Variants in HMBOX1 observed in about 807,000 individuals in gnomAD.
HMBOX1 encodes the protein homeobox-containing protein 1.
Under a neutral mutation model 54.5 loss-of-function variants are expected in HMBOX1, and 14 were observed. That is an observed-to-expected ratio of 0.26 (90% CI 0.17 to 0.40). The LOEUF (loss-of-function observed/expected upper bound fraction) is 0.40. Ranked by LOEUF, HMBOX1 falls within the 10% of genes least tolerant of loss-of-function variation. The probability of loss-of-function intolerance (pLI) is 1.00; values close to 1 mark genes in which losing one functional copy is unlikely to be tolerated. For missense variants in HMBOX1, 332 were observed against 514.4 expected, an observed-to-expected ratio of 0.65 and a Z score of 3.43; for synonymous variants, 160 against 181.0, an observed-to-expected ratio of 0.88 and a Z score of 0.93.
intron 1 of HMBOX1, among the ~76,000 whole-genome samples, chr8:28,905,581 T>A (rs1180313365): frequency 1.3e-5 from 2 of 152,220 alleles, no homozygotes; most frequent in Non-Finnish European, 2.9e-5. Context: ...AATCTTTAGG[T>A]ATTTGGGATA....
intron 1 of HMBOX1, among the ~76,000 whole-genome samples, chr8:28,910,644 G>A (rs1184142914): frequency 6.6e-6 from 1 of 152,102 alleles, no homozygotes; most frequent in Admixed American, 6.5e-5. Context: ...ATGTTTTCAT[G>A]TGCTTATTGG....
At chr8:29,036,799 G>C (rs1201531260) in intron 6 of HMBOX1, among the ~76,000 whole-genome samples, 1 of 152,226 alleles carries the variant, frequency 6.6e-6, no homozygotes, top group Non-Finnish European at 1.5e-5. Context: ...TGAGTTATAA[G>C]TCATGTGACC....
intron 1 of HMBOX1, among the ~76,000 whole-genome samples, chr8:28,922,400 C>T (rs562818238): frequency 6.6e-6 from 1 of 152,114 alleles, no homozygotes; most frequent in African/African-American, 2.4e-5. Flanking sequence ...CCCAAAGATA[C>T]CAAGGGACAA....
chr8:29,016,789 C>T (rs772343638), intron 5 of HMBOX1, among the ~76,000 whole-genome samples: 2 of 152,236 alleles, frequency 1.3e-5, no homozygotes, highest in African/African-American at 4.8e-5. Context: ...TGTCCTCACA[C>T]GGCAGCTAGT....
chr8:28,901,642 T>C (rs905673131), intron 1 of HMBOX1, among the ~76,000 whole-genome samples: 9 of 152,230 alleles, frequency 5.9e-5, no homozygotes, highest in African/African-American at 2.2e-4. Context: ...AGAATAATTT[T>C]TATCAAACTT....
chr8:28,919,501 A>G (rs1164755766), intron 1 of HMBOX1, among the ~76,000 whole-genome samples: 1 of 152,194 alleles, frequency 6.6e-6, no homozygotes, highest in Admixed American at 6.5e-5. Context: ...TAATCTCAGT[A>G]TTTATTGCGT....
chr8:28,951,290 GC>G (rs753971102), intron 1 of HMBOX1, among the ~76,000 whole-genome samples: 1 of 151,998 alleles, frequency 6.6e-6, no homozygotes, highest in Non-Finnish European at 1.5e-5. Flanking sequence ...ATGCCACTAC[GC>G]CCAGCTAATT....
intron 3 of HMBOX1, among the ~76,000 whole-genome samples, chr8:28,979,257 G>C (rs531632833): frequency 1.3e-5 from 2 of 152,216 alleles, no homozygotes; most frequent in African/African-American, 4.8e-5. Context: ...GTTTATTCTT[G>C]TTCTGGTGGA....
intron 1 of HMBOX1, among the ~76,000 whole-genome samples, chr8:28,958,473 G>A (rs1027423123): frequency 3.3e-5 from 5 of 151,788 alleles, no homozygotes; most frequent in African/African-American, 7.3e-5. Flanking sequence ...AATTTTATTC[G>A]TTTGATTTAT....
At chr8:28,958,267 A>C (rs537997927) in intron 1 of HMBOX1, among the ~76,000 whole-genome samples, 3 of 152,296 alleles carry the variant, frequency 2.0e-5, no homozygotes, top group Admixed American at 1.3e-4. Context: ...GCAGACAGCT[A>C]ATTTTCAGTT....
chr8:29,011,627 G>A (rs1834234007), intron 5 of HMBOX1, among the ~76,000 whole-genome samples: 1 of 152,220 alleles, frequency 6.6e-6, no homozygotes, highest in South Asian at 2.1e-4. Context: ...CAATGGCATT[G>A]TTGCAGCTGA....
intron 5 of HMBOX1, among the ~76,000 whole-genome samples, chr8:29,010,777 T>C (rs1422592321): frequency 1.3e-5 from 2 of 152,104 alleles, no homozygotes; most frequent in African/African-American, 4.8e-5. Flanking sequence ...ATTAGAAGAA[T>C]GTCTTTTGTA....
chr8:28,946,836 A>G (rs1315180627), intron 1 of HMBOX1, among the ~76,000 whole-genome samples: 1 of 152,250 alleles, frequency 6.6e-6, no homozygotes, highest in East Asian at 1.9e-4. Flanking sequence ...GCATACAATA[A>G]ATAACAAATA....
intron 1 of HMBOX1, among the ~76,000 whole-genome samples, chr8:28,912,179 T>G (rs908118832): frequency 1.3e-5 from 2 of 152,190 alleles, no homozygotes; most frequent in African/African-American, 4.8e-5. Context: ...TAAATGTGTA[T>G]TCAACATAAC....
At chr8:28,958,266 T>C (rs1586088796) in intron 1 of HMBOX1, among the ~76,000 whole-genome samples, 1 of 152,198 alleles carries the variant, frequency 6.6e-6, no homozygotes, top group Non-Finnish European at 1.5e-5. Context: ...TGCAGACAGC[T>C]AATTTTCAGT....
chr8:29,018,681 C>A, intron 5 of HMBOX1, 79 bp from the exon 6 acceptor site: 1 of 1,398,828 alleles, frequency 7.1e-7, no homozygotes, highest in Non-Finnish European at 9.9e-7. Context: ...CCATACTTCC[C>A]TAGTCCCATA....
chr8:28,905,003 ATAGT>A (rs1814007694), intron 1 of HMBOX1, among the ~76,000 whole-genome samples: 1 of 152,212 alleles, frequency 6.6e-6, no homozygotes, highest in South Asian at 2.1e-4. Flanking sequence ...GTTAGTTTAG[ATAGT>A]ATAATCAAAT....
chr8:28,925,465 A>C (rs1298422430), intron 1 of HMBOX1, among the ~76,000 whole-genome samples: 1 of 152,148 alleles, frequency 6.6e-6, no homozygotes, highest in Non-Finnish European at 1.5e-5. Flanking sequence ...GGCAAACACT[A>C]TATTCATTAT....
At chr8:28,943,058 TTGATCAGGCAG>T (rs1821740382) in intron 1 of HMBOX1, among the ~76,000 whole-genome samples, 1 of 152,202 alleles carries the variant, frequency 6.6e-6, no homozygotes, top group Admixed American at 6.5e-5. Context: ...TATTTGATGA[TTGATCAGGCAG>T]TGCCCAGGCA....
Sources: allele counts gnomAD v4.1 joint callset (sites outside exome capture counted in the v4.1 genomes callset), GRCh38; gene constraint gnomAD v4.1.1; transcripts MANE v1.5; gene names NCBI Gene and HGNC (gene_info 2026-07-23, HGNC 2026-07-21).